Variants in DMD observed in about 807,000 individuals in gnomAD.
DMD encodes the protein dystrophin.
In DMD, 63 loss-of-function variants were observed where a neutral mutation model predicts 330.1. That is an observed-to-expected ratio of 0.19 (90% CI 0.16 to 0.24). DMD has a LOEUF of 0.24. Ranked by LOEUF, DMD falls within the 10% of genes least tolerant of loss-of-function variation. The probability of loss-of-function intolerance (pLI) is 1.00; values close to 1 mark genes in which losing one functional copy is unlikely to be tolerated. For missense variants in DMD, 3,344 were observed against 2,684.1 expected, an observed-to-expected ratio of 1.25 and a Z score of -5.43; for synonymous variants, 1,223 against 959.8, an observed-to-expected ratio of 1.27 and a Z score of -5.07.
intron 25 of DMD, among the ~76,000 whole-genome samples, chrX:32,455,866 C>T (rs920162009): frequency 1.9e-4 from 21 of 111,119 alleles, no homozygotes; most frequent in Admixed American, 1.2e-3. Flanking sequence ...TAAAGCCTCA[C>T]GCATTTTTGA....
intron 42 of DMD, among the ~76,000 whole-genome samples, chrX:32,291,924 G>A (rs774648915): frequency 8.9e-6 from 1 of 111,913 alleles, no homozygotes; most frequent in East Asian, 2.8e-4. Flanking sequence ...TGAATGGCAA[G>A]CGTACCTTGG....
intron 1 of DMD, among the ~76,000 whole-genome samples, chrX:33,138,864 T>G (rs1261210234): frequency 1.8e-5 from 2 of 111,532 alleles, no homozygotes; most frequent in Non-Finnish European, 1.9e-5. Context: ...CATATCTGAT[T>G]GTTCCCTTTC....
intron 1 of DMD, among the ~76,000 whole-genome samples, chrX:33,261,758 C>T (rs780470137): frequency 3.6e-5 from 4 of 110,234 alleles, no homozygotes; most frequent in Non-Finnish European, 5.7e-5. Flanking sequence ...CAGCACTCCA[C>T]GTGGTAGTAG....
intron 1 of DMD, among the ~76,000 whole-genome samples, chrX:33,137,437 G>A (rs1251480605): frequency 8.9e-6 from 1 of 112,129 alleles, no homozygotes; most frequent in African/African-American, 3.2e-5. Context: ...AAAGTGAAAT[G>A]TGAGACAATA....
rs960544683 is a variant in DMD, at chrX:31,876,801, C to T, written c.6913-1428G>A. ...GAATATCAAGAGTTAAAACTGGCAT[C>T]CCAGAATAAAGAATTTAAACTTGTA... On this transcript the variant is annotated intron_variant, in intron 47 of 78. Transcript: ENST00000357033. 1.7e-4 allele frequency among the ~76,000 whole-genome samples: 19 copies of T among 111,324 alleles called. No individual in the cohort carries two copies. The Admixed American group carries it at 1.8e-3, about 11-fold the overall frequency.
At chrX:33,284,168 G>T (rs189522131) in intron 1 of DMD, among the ~76,000 whole-genome samples, 1 of 110,586 alleles carries the variant, frequency 9.0e-6, no homozygotes, top group Middle Eastern at 4.3e-3. Context: ...AATCATTTAT[G>T]TCTCTAGTTT....
intron 7 of DMD, among the ~76,000 whole-genome samples, chrX:32,737,047 G>A (rs1321191132): frequency 9.1e-6 from 1 of 110,344 alleles, no homozygotes; most frequent in Non-Finnish European, 1.9e-5. Flanking sequence ...CATAAATAGA[G>A]TAAGTTTTAA....
intron 2 of DMD, among the ~76,000 whole-genome samples, chrX:32,988,856 T>C (rs1471701993): frequency 1.8e-5 from 2 of 111,701 alleles, no homozygotes; most frequent in African/African-American, 6.5e-5. Context: ...TATTTCACAA[T>C]GAACCTTGTT....
In DMD at chrX:31,298,410, TACAC is replaced by T. The variant is rs35043650; in HGVS notation, c.9224+25184_9224+25187del. 1.4e-3 allele frequency among the ~76,000 whole-genome samples: 138 copies of T among 97,852 alleles called. No individual in the cohort carries two copies. In the East Asian group the frequency reaches 0.043, roughly 31 times the overall value. 85.0% of individuals were successfully genotyped at this position (97,852 alleles called of 115,157 possible). ...ATTCAAACACACACACACACACACATACACACACACACACACACACATACACACA... is the reference window on the plus strand; with the variant it reads ...ATTCAAACACACACACACACACACATACACACACACACACACATACACACA... On this transcript the variant is annotated intron_variant, in intron 62 of 78. Transcript: ENST00000357033.
chrX:32,729,731 T>C (rs1419390396), intron 7 of DMD, among the ~76,000 whole-genome samples: 1 of 98,385 alleles, frequency 1.0e-5, no homozygotes, highest in Non-Finnish European at 2.0e-5. Context: ...TACTAAGAAA[T>C]TCAGAAAACT....
intron 1 of DMD, among the ~76,000 whole-genome samples, chrX:33,027,060 G>C: frequency 8.9e-6 from 1 of 112,111 alleles, no homozygotes; most frequent in Non-Finnish European, 1.9e-5. Flanking sequence ...CTCAAAAATG[G>C]CCACGTGCTA....
intron 2 of DMD, among the ~76,000 whole-genome samples, chrX:32,913,431 T>C (rs1045104861): frequency 3.6e-5 from 4 of 112,306 alleles, no homozygotes; most frequent in African/African-American, 9.7e-5. Flanking sequence ...AAACAGGCTA[T>C]AGGGCTTTTC....
Position 31,178,679 on chromosome X carries a change from T to C in DMD, c.10213A>G (p.Asn3405Asp), listed in dbSNP as rs770516401. 12 of 1,205,798 alleles carry C rather than the reference T, an allele frequency of 1.0e-5. No individual in the cohort carries two copies. Among genetic ancestry groups the C allele is most frequent in the Non-Finnish European group, 1.2e-5 (11 of 891,566 alleles). Residue 3405 changes from asparagine to aspartate, a missense_variant, in exon 70 of 79, where the codon AAC (asparagine) becomes GAC (aspartate). Physicochemically the swap from Asn to Asp is conservative, Grantham distance 23. Coordinates refer to ENST00000357033, the MANE Select transcript of DMD (RefSeq NM_004006.3). The part of the protein sequence containing the change: ...LPVQTVLEGD[N>D]METPVTLINF... ...TTTGCTACTACTCACGTTTCCATGT[T>C]GTCCCCCTCTAAGACAGTCTGCACT...
At chrX:32,749,954 A>G (rs191132867) in intron 7 of DMD, among the ~76,000 whole-genome samples, 2 of 112,632 alleles carry the variant, frequency 1.8e-5, no homozygotes, top group Admixed American at 1.9e-4. Flanking sequence ...ATTAAGACAT[A>G]GGTAGTTATA....
intron 2 of DMD, among the ~76,000 whole-genome samples, chrX:32,871,361 T>C (rs2082981877): frequency 9.0e-6 from 1 of 111,145 alleles, no homozygotes; most frequent in South Asian, 3.8e-4. Context: ...CTTGTCTCCT[T>C]CCCCCGCCCT....
chrX:32,491,830 G>A lies in DMD; in HGVS notation c.2381-312C>T, dbSNP rs754654559. On this transcript the variant is annotated intron_variant, in intron 19 of 78. Transcript: ENST00000357033. ...AACAAAAGTGCTCAAAGCTCTGATG[G>A]GAGCTGGAAGGCTGCATGAACAAGT... is the stretch of plus-strand genomic sequence containing the variant. 1.1e-3 allele frequency among the ~76,000 whole-genome samples: 127 copies of A among 111,517 alleles called. No homozygotes were observed. In the Middle Eastern group the frequency reaches 0.014, roughly 12 times the overall value.
chrX:32,836,259 T>C (rs531372087), intron 4 of DMD, among the ~76,000 whole-genome samples: 2 of 110,085 alleles, frequency 1.8e-5, no homozygotes, highest in South Asian at 4.0e-4. Flanking sequence ...CTCGAACTCC[T>C]GACCTCAGGT....
At chrX:32,945,435 T>C (rs952156848) in intron 2 of DMD, among the ~76,000 whole-genome samples, 8 of 111,642 alleles carry the variant, frequency 7.2e-5, no homozygotes, top group African/African-American at 2.3e-4. Flanking sequence ...TAGTACCAAG[T>C]TGACAATATC....
intron 34 of DMD, among the ~76,000 whole-genome samples, chrX:32,369,357 G>A (rs1321602622): frequency 9.0e-6 from 1 of 111,256 alleles, no homozygotes; most frequent in Admixed American, 9.6e-5. Context: ...AATACATTCT[G>A]ATTCATTCCC....
Sources: allele counts gnomAD v4.1 joint callset (sites outside exome capture counted in the v4.1 genomes callset), GRCh38; gene constraint gnomAD v4.1.1; transcripts MANE v1.5; gene names NCBI Gene and HGNC (gene_info 2026-07-23, HGNC 2026-07-21).